The following SLAIN2 variants were observed in gnomAD, a reference collection of about 807,000 sequenced individuals.
SLAIN2 encodes SLAIN family member 2.
SLAIN2 carries 31 observed loss-of-function variants against 56.6 expected under a neutral mutation model. The observed-to-expected ratio is 0.55, with a 90% CI of 0.41 to 0.74. The LOEUF (loss-of-function observed/expected upper bound fraction) is 0.74, where lower values mean the gene tolerates loss of function less well. Among genes scored for constraint, SLAIN2 ranks in the 30% least tolerant of loss-of-function variants. The probability of loss-of-function intolerance (pLI) is 0.00; values close to 1 mark genes in which losing one functional copy is unlikely to be tolerated. For missense variants in SLAIN2, 777 were observed against 754.2 expected (o/e 1.03, Z -0.35); for synonymous variants, 317 against 284.9 (o/e 1.11, Z -1.13).
At chr4:48,373,007 G>T (rs1252238060) in intron 2 of SLAIN2, among the ~76,000 whole-genome samples, 1 of 151,906 alleles carries the variant, frequency 6.6e-6, no homozygotes, top group Non-Finnish European at 1.5e-5. Context: ...ACTATCACTC[G>T]TTCCTAAAAT....
intron 6 of SLAIN2, among the ~76,000 whole-genome samples, chr4:48,405,275 A>G (rs1377912907): frequency 6.6e-6 from 1 of 152,164 alleles, no homozygotes; most frequent in African/African-American, 2.4e-5. Context: ...CCCCTCCCCA[A>G]AAAGTATCTA....
chr4:48,366,513 T>C (rs990983596), intron 1 of SLAIN2, among the ~76,000 whole-genome samples: 15 of 152,224 alleles, frequency 9.9e-5, no homozygotes, highest in Non-Finnish European at 2.9e-5. Flanking sequence ...TAGTTTCCAG[T>C]AATTTTTTTG....
At chr4:48,374,036 C>G (rs1268747356) in intron 2 of SLAIN2, among the ~76,000 whole-genome samples, 1 of 151,882 alleles carries the variant, frequency 6.6e-6, no homozygotes, top group Non-Finnish European at 1.5e-5. Flanking sequence ...GAAACTCCAT[C>G]TCAGAAAAAG....
At chr4:48,403,541 T>C (rs564605120) in intron 6 of SLAIN2, among the ~76,000 whole-genome samples, 1 of 151,788 alleles carries the variant, frequency 6.6e-6, no homozygotes, top group East Asian at 1.9e-4. Context: ...CATCTGGACT[T>C]TCCAGAGCCA....
chr4:48,347,736 A>G (rs895635493), intron 1 of SLAIN2, among the ~76,000 whole-genome samples: 3 of 152,308 alleles, frequency 2.0e-5, no homozygotes, highest in Non-Finnish European at 2.9e-5. Flanking sequence ...ATCTTCCTCA[A>G]TTGAAACTGT....
intron 1 of SLAIN2, among the ~76,000 whole-genome samples, chr4:48,355,183 A>C (rs1715126362): frequency 6.6e-6 from 1 of 152,104 alleles, no homozygotes; most frequent in African/African-American, 2.4e-5. Flanking sequence ...CCCAGCCAAA[A>C]ATTTTCATTG....
chr4:48,347,678 A>G (rs746101359), intron 1 of SLAIN2, among the ~76,000 whole-genome samples: 1 of 152,230 alleles, frequency 6.6e-6, no homozygotes, highest in African/African-American at 2.4e-5. Flanking sequence ...CATTAAGTAC[A>G]TTCACAATGT....
At chr4:48,350,342 C>T (rs1435854487) in intron 1 of SLAIN2, among the ~76,000 whole-genome samples, 2 of 152,228 alleles carry the variant, frequency 1.3e-5, no homozygotes, top group African/African-American at 2.4e-5. Flanking sequence ...TCTACTTCCA[C>T]TTACGCAGAC....
chr4:48,359,884 G>A (rs537183744), intron 1 of SLAIN2, among the ~76,000 whole-genome samples: 7 of 152,278 alleles, frequency 4.6e-5, no homozygotes, highest in African/African-American at 1.7e-4. Context: ...GGCCGGGCAC[G>A]GTGGCTTACG....
At chr4:48,383,577 T>A in intron 5 of SLAIN2, 70 bp from the exon 6 acceptor site, 2 of 1,300,818 alleles carry the variant, frequency 1.5e-6, no homozygotes, top group Non-Finnish European at 2.1e-6. Flanking sequence ...GATTTTTGAA[T>A]GCTAGTTAAT....
intron 6 of SLAIN2, among the ~76,000 whole-genome samples, chr4:48,402,202 T>TA (rs1170432383): frequency 3.3e-4 from 49 of 149,920 alleles, no homozygotes; most frequent in African/African-American, 1.1e-3. Context: ...TGCCCTTAAT[T>TA]TTTTTTTTTT....
intron 1 of SLAIN2, among the ~76,000 whole-genome samples, chr4:48,364,113 C>G (rs751154069): frequency 2.6e-3 from 170 of 65,630 alleles, no homozygotes; most frequent in Non-Finnish European, 4.6e-3. Context: ...CTCCTCACTT[C>G]TCAGACGGGG....
intron 4 of SLAIN2, among the ~76,000 whole-genome samples, chr4:48,381,557 C>T (rs2109762103): frequency 6.6e-6 from 1 of 152,272 alleles, no homozygotes; most frequent in Middle Eastern, 3.4e-3. Context: ...GCCATGTTGG[C>T]TATAACTAGA....
At chr4:48,351,471 A>G (rs987986671) in intron 1 of SLAIN2, among the ~76,000 whole-genome samples, 4 of 152,172 alleles carry the variant, frequency 2.6e-5, no homozygotes, top group African/African-American at 9.7e-5. Context: ...GTCACAGTGA[A>G]ACTCTTATTT....
At chr4:48,371,001 C>T (rs546366771) in intron 2 of SLAIN2, among the ~76,000 whole-genome samples, 62 of 152,030 alleles carry the variant, frequency 4.1e-4, no homozygotes, top group South Asian at 2.1e-3. Flanking sequence ...AAATAACTTA[C>T]GGGATGTTAT....
chr4:48,357,522 T>TA (rs1715191223), intron 1 of SLAIN2, among the ~76,000 whole-genome samples: 1 of 150,898 alleles, frequency 6.6e-6, no homozygotes, highest in Non-Finnish European at 1.5e-5. Flanking sequence ...GCTGGGACTA[T>TA]AGGCACCTGC....
rs868760164 is a variant in SLAIN2 at position 48,367,231 on chromosome 4, G to A, written c.390-2618G>A. Among the ~76,000 whole-genome samples the A allele has an allele frequency of 7.2e-5, 11 of 152,340 alleles. No homozygotes were observed. In the South Asian group the frequency reaches 2.1e-3, roughly 29 times the overall value. ...CCTCAACCAAAGGTTACCTGACCAA[G>A]GAATTTTGTGCCAATATCATACGGG... On this transcript the variant is annotated intron_variant, in intron 1 of 7. Coordinates refer to ENST00000264313, the MANE Select transcript of SLAIN2 (RefSeq NM_020846.2).
intron 6 of SLAIN2, among the ~76,000 whole-genome samples, chr4:48,414,316 G>A (rs1313777840): frequency 1.3e-5 from 2 of 152,134 alleles, no homozygotes; most frequent in Non-Finnish European, 2.9e-5. Flanking sequence ...TGTTCTGAGT[G>A]GCATTGTTGA....
At chr4:48,344,034 C>T (rs1714796700) in intron 1 of SLAIN2, among the ~76,000 whole-genome samples, 1 of 152,174 alleles carries the variant, frequency 6.6e-6, no homozygotes, top group South Asian at 2.1e-4. Flanking sequence ...CACATTGAGT[C>T]CACTTGGGGA....
Sources: allele counts gnomAD v4.1 joint callset (sites outside exome capture counted in the v4.1 genomes callset), GRCh38; gene constraint gnomAD v4.1.1; transcripts MANE v1.5; gene names NCBI Gene and HGNC (gene_info 2026-07-23, HGNC 2026-07-21).